The following VWA8 variants were observed in gnomAD, a reference collection of about 807,000 sequenced individuals.
The protein encoded by VWA8 is von Willebrand factor A domain-containing protein 8.
In VWA8, 221 loss-of-function variants were observed where a neutral mutation model predicts 241.5. The ratio of observed to expected loss-of-function variants is 0.91; its 90% CI spans 0.82 to 1.02. VWA8 has a LOEUF of 1.02. Ranked by LOEUF, VWA8 falls within the 50% of genes least tolerant of loss-of-function variation. The probability of loss-of-function intolerance (pLI) is 0.00; values close to 1 mark genes in which losing one functional copy is unlikely to be tolerated. For missense variants in VWA8, 2,322 were observed against 2,328.7 expected, an observed-to-expected ratio of 1.00 and a Z score of 0.06; for synonymous variants, 852 against 827.1, an observed-to-expected ratio of 1.03 and a Z score of -0.52.
At chr13:41,935,518 G>C (rs906418590) in intron 2 of VWA8, among the ~76,000 whole-genome samples, 3 of 151,962 alleles carry the variant, frequency 2.0e-5, no homozygotes, top group African/African-American at 7.2e-5. Context: ...AATAAAAGTT[G>C]CATTTAAACA....
chr13:41,795,037 T>G (rs1393712491), intron 17 of VWA8, among the ~76,000 whole-genome samples: 1 of 151,926 alleles, frequency 6.6e-6, no homozygotes, highest in Admixed American at 6.6e-5. Context: ...GGAAAAAAAT[T>G]TTGCAATCTA....
At chr13:41,573,486 A>AAAATATATATATATAT in intron 43 of VWA8, among the ~76,000 whole-genome samples, 37 of 113,594 alleles carry the variant, frequency 3.3e-4, no homozygotes, top group South Asian at 1.6e-3. Flanking sequence ...AAAAAAAAAA[A>AAAATATATATATATAT]ATATATATAT....
chr13:41,611,382 A>G (rs1305611941), intron 39 of VWA8, among the ~76,000 whole-genome samples, 194 bp downstream of exon 39: 1 of 152,198 alleles, frequency 6.6e-6, no homozygotes, highest in Non-Finnish European at 1.5e-5. Context: ...AAGGAGCCTG[A>G]GTAGAAAGAA....
At chr13:41,701,351 C>G in intron 28 of VWA8, 41 bp downstream of exon 28, 1 of 1,482,154 alleles carries the variant, frequency 6.7e-7, no homozygotes, top group Non-Finnish European at 8.9e-7. Context: ...TTTAAAAAAA[C>G]ATGTGCAGGA....
chr13:41,619,293 T>A (rs1471740789), intron 37 of VWA8, among the ~76,000 whole-genome samples: 1 of 152,224 alleles, frequency 6.6e-6, no homozygotes, highest in Non-Finnish European at 1.5e-5. Flanking sequence ...TGTATAGGAA[T>A]GCTTGTGATT....
rs751999192 is a variant in VWA8, at chr13:41,611,673, G to A, written c.4780C>T (p.His1594Tyr). Residue 1594 changes from histidine to tyrosine, a missense_variant, in exon 39 of 45, where the codon CAT becomes TAT. By Grantham distance (83) the His-to-Tyr change is moderately conservative (BLOSUM62 2). Coordinates refer to ENST00000379310, the MANE Select transcript of VWA8 (RefSeq NM_015058.2). ...KGGPYRLDAG[H>Y]TVYQVSQAEK... ...GCCTGAGAGACCTGGTACACCGTAT[G>A]GCCTGCATCCAGCCGGTAAGGGCCT... 1.2e-6 allele frequency: 2 copies of A among 1,613,960 alleles called. No homozygotes were observed. Among genetic ancestry groups the A allele is most frequent in the Non-Finnish European group, 1.7e-6 (2 of 1,179,986 alleles).
chr13:41,750,804 T>C (rs1045135743), intron 21 of VWA8, among the ~76,000 whole-genome samples: 1 of 151,708 alleles, frequency 6.6e-6, no homozygotes, highest in Non-Finnish European at 1.5e-5. Flanking sequence ...TTTCTTGAGA[T>C]GGAATCCACT....
At chr13:41,789,671 A>C (rs1869364263) in intron 17 of VWA8, among the ~76,000 whole-genome samples, 1 of 152,186 alleles carries the variant, frequency 6.6e-6, no homozygotes, top group Admixed American at 6.6e-5. Flanking sequence ...GGATGGTAGC[A>C]AAGAAGTCTG....
intron 41 of VWA8, among the ~76,000 whole-genome samples, chr13:41,590,230 C>T (rs1258479075): frequency 1.3e-5 from 2 of 152,128 alleles, no homozygotes; most frequent in African/African-American, 4.8e-5. Flanking sequence ...GCCACCACTC[C>T]ATCAACCACC....
intron 12 of VWA8, among the ~76,000 whole-genome samples, chr13:41,856,538 A>C (rs1035930051): frequency 6.6e-6 from 1 of 152,024 alleles, no homozygotes; most frequent in Non-Finnish European, 1.5e-5. Flanking sequence ...AACTTTCACA[A>C]GGCTAGGCAT....
intron 12 of VWA8, among the ~76,000 whole-genome samples, chr13:41,852,095 C>T (rs1413006768): frequency 6.6e-6 from 1 of 152,144 alleles, no homozygotes; most frequent in Non-Finnish European, 1.5e-5. Flanking sequence ...CATTTGTTAC[C>T]TTTTATCTTT....
chr13:41,688,624 T>C (rs1485840816), intron 34 of VWA8, among the ~76,000 whole-genome samples: 1 of 152,130 alleles, frequency 6.6e-6, no homozygotes, highest in Non-Finnish European at 1.5e-5. Flanking sequence ...AAAGATATGA[T>C]AAATCAGAGC....
At chr13:41,875,638 T>C (rs1312433890) in intron 9 of VWA8, among the ~76,000 whole-genome samples, 9 of 152,078 alleles carry the variant, frequency 5.9e-5, no homozygotes, top group Non-Finnish European at 1.3e-4. Flanking sequence ...TTAAATAAAT[T>C]AGTTTTCTTC....
At chr13:41,925,169 C>T (rs1304838184) in intron 2 of VWA8, among the ~76,000 whole-genome samples, 1 of 152,100 alleles carries the variant, frequency 6.6e-6, no homozygotes, top group Non-Finnish European at 1.5e-5. Context: ...AAAAACTGCC[C>T]TTCAGAAATT....
At chr13:41,901,897 T>A (rs867015092) in intron 4 of VWA8, among the ~76,000 whole-genome samples, 3,317 of 76,222 alleles carry the variant, frequency 0.044, 110 homozygotes, top group Non-Finnish European at 0.071. Flanking sequence ...AAAATATATA[T>A]ATATATATAT....
At chr13:41,672,921 C>CT (rs1361950249) in intron 36 of VWA8, among the ~76,000 whole-genome samples, 1 of 152,094 alleles carries the variant, frequency 6.6e-6, no homozygotes, top group Non-Finnish European at 1.5e-5. Context: ...AACACCCAAG[C>CT]TGTATGATTC....
At chr13:41,621,750 C>T (rs932042534) in intron 37 of VWA8, among the ~76,000 whole-genome samples, 1 of 152,138 alleles carries the variant, frequency 6.6e-6, no homozygotes, top group African/African-American at 2.4e-5. Flanking sequence ...CAAATAGCCT[C>T]CCTCAGTTAC....
chr13:41,898,948 C>G (rs1399164696), intron 4 of VWA8, among the ~76,000 whole-genome samples: 6 of 152,220 alleles, frequency 3.9e-5, no homozygotes, highest in African/African-American at 1.4e-4. Flanking sequence ...CCCCGATTCC[C>G]GCTCGCGCCT....
intron 14 of VWA8, among the ~76,000 whole-genome samples, chr13:41,820,051 C>A (rs1870885049): frequency 6.6e-6 from 1 of 152,140 alleles, no homozygotes; most frequent in South Asian, 2.1e-4. Context: ...TTTTCTAGTA[C>A]ACACAGAGGA....
Sources: gnomAD v4.1 joint callset for allele counts (sites outside exome capture counted in the v4.1 genomes callset) on GRCh38, gnomAD v4.1.1 for gene constraint, MANE v1.5 for transcripts, NCBI Gene and HGNC (gene_info 2026-07-23, HGNC 2026-07-21) for gene names.